Variants in CLPSL1 observed in about 807,000 individuals in gnomAD.
The protein encoded by CLPSL1 is colipase-like protein 1.
CLPSL1 carries 13 observed loss-of-function variants against 9.3 expected under a neutral mutation model. That is an observed-to-expected ratio of 1.40 (90% CI 0.91 to 2.22). The LOEUF is 2.22. Among genes scored for constraint, CLPSL1 ranks in the 30% most tolerant of loss-of-function variants. The pLI, the probability that CLPSL1 is intolerant of heterozygous loss-of-function variation, is 0.00. For missense variants in CLPSL1, 164 were observed against 146.6 expected (o/e 1.12, Z -0.61); for synonymous variants, 58 against 56.9 (o/e 1.02, Z -0.08).
downstream of CLPSL1, among the ~76,000 whole-genome samples, chr6:35,789,753 G>C (rs377630679): frequency 2.0e-5 from 3 of 152,224 alleles, no homozygotes; most frequent in Admixed American, 2.0e-4. Flanking sequence ...AATTAGCTGG[G>C]TGTGGTGGTG....
At chr6:35,792,148 G>A (rs192067357), downstream of CLPSL1, among the ~76,000 whole-genome samples, 23 of 152,232 alleles carry the variant, frequency 1.5e-4, no homozygotes, top group East Asian at 5.8e-4. Flanking sequence ...GGTGGCACAC[G>A]CCTATAGTTC....
downstream of CLPSL1, among the ~76,000 whole-genome samples, chr6:35,790,896 A>G (rs1768172519): frequency 6.6e-6 from 1 of 152,188 alleles, no homozygotes; most frequent in Non-Finnish European, 1.5e-5. Context: ...AACAACAGCA[A>G]CATAGCCGGT....
At position 35,781,032 on chromosome 6, in the gene CLPSL1, A is replaced by G; in HGVS notation, c.-79A>G. 6.3e-7 allele frequency: 1 copy of G among 1,577,650 alleles called. No individual in the cohort carries two copies. Among genetic ancestry groups the G allele is most frequent in the Middle Eastern group, 2.2e-4 (1 of 4,534 alleles). The stretch of plus-strand genomic sequence containing the variant: ...GGTGCTGGTTTTACATGGTGTTCCC[A>G]CAGCTGGGAGGACACCCACATGGTC... On this transcript the variant is annotated 5_prime_UTR_variant, in exon 1 of 3. Transcript: ENST00000373861.
At chr6:35,792,862 T>A (rs1471964585), downstream of CLPSL1, among the ~76,000 whole-genome samples, 1 of 152,268 alleles carries the variant, frequency 6.6e-6, no homozygotes, top group Non-Finnish European at 1.5e-5. Context: ...CTGAGACCCC[T>A]CCTGGGTTAA....
downstream of CLPSL1, among the ~76,000 whole-genome samples, chr6:35,792,005 G>C (rs192795562): frequency 8.8e-3 from 1,334 of 151,326 alleles, no homozygotes; most frequent in South Asian, 0.024. Context: ...AGAATTGCTT[G>C]AACCTGGGAG....
In CLPSL1 at chr6:35,787,048, C is replaced by G. The variant is rs747574745; in HGVS notation, c.150C>G (p.Cys50Trp). ...ACCAGGACTGCGAGACTGGCTGCTG[C>G]CAACGTGCTCCAGACAATTGCGAGT... ...IRNQDCETGC[C>W]QRAPDNCESH... Residue 50 changes from cysteine (C) to tryptophan (W), a missense_variant, in exon 2 of 3, where the codon TGC becomes TGG. Physicochemically the swap from Cys to Trp is radical, Grantham distance 215 (BLOSUM62 -2). Transcript: ENST00000373861. 1.2e-4 allele frequency: 187 copies of G among 1,599,894 alleles called. 1 individual carries two copies. In the East Asian group the frequency reaches 4.1e-3, roughly 35 times the overall value.
chr6:35,785,063 C>G (rs1301184480), intron 1 of CLPSL1, among the ~76,000 whole-genome samples: 1 of 152,030 alleles, frequency 6.6e-6, no homozygotes, highest in African/African-American at 2.4e-5. Context: ...TGACCACATG[C>G]GCAGTGTCCT....
At chr6:35,792,231 G>GC (rs1340503641), downstream of CLPSL1, among the ~76,000 whole-genome samples, 1 of 152,104 alleles carries the variant, frequency 6.6e-6, no homozygotes, top group Non-Finnish European at 1.5e-5. Flanking sequence ...CCATGATCAT[G>GC]CCACTGCATT....
In CLPSL1 at chr6:35,787,125, G is replaced by A; in HGVS notation, c.222+5G>A. ...GGCAGTCTGTGTCAAACGCAGGTGG[G>A]TATCGCCGCCCGGGGGGAGCCAGAG... On this transcript the variant is annotated splice_donor_5th_base_variant and intron_variant, in intron 2 of 2. Coordinates refer to ENST00000373861, the MANE Select transcript of CLPSL1 (RefSeq NM_001010886.5). 1 of 1,611,586 alleles carries A rather than the reference G, an allele frequency of 6.2e-7. No homozygotes were observed. The highest frequency in any genetic ancestry group is 8.5e-7 in the Non-Finnish European group (1 of 1,179,454).
At chr6:35,791,964 T>C (rs1431378366), downstream of CLPSL1, among the ~76,000 whole-genome samples, 1 of 151,556 alleles carries the variant, frequency 6.6e-6, no homozygotes, top group Non-Finnish European at 1.5e-5. Context: ...CATGTGCCTG[T>C]AGTCCCAGCT....
chr6:35,784,498 G>C (rs563375682), intron 1 of CLPSL1, among the ~76,000 whole-genome samples: 2 of 152,266 alleles, frequency 1.3e-5, no homozygotes, highest in African/African-American at 2.4e-5. Flanking sequence ...GGAAGGAGTC[G>C]ACTGAGATGG....
Position 35,781,096 on chromosome 6 carries a change from C to T in CLPSL1, c.-15C>T, listed in dbSNP as rs774658520. 1.2e-6 allele frequency: 2 copies of T among 1,613,274 alleles called. No homozygotes were observed. Among genetic ancestry groups the T allele is most frequent in the Non-Finnish European group, 8.5e-7 (1 of 1,179,522 alleles). ...TTTCGCTGGACCCTAGAAAAGCCACCACGACCTGTGGGCCATGATGCTACC... is the reference window on the plus strand; with the variant it reads ...TTTCGCTGGACCCTAGAAAAGCCACTACGACCTGTGGGCCATGATGCTACC... On this transcript the variant is annotated 5_prime_UTR_variant, in exon 1 of 3. Transcript: ENST00000373861.
rs373019873 is a variant in CLPSL1, at chr6:35,782,233, A to G, written c.99+1024A>G. 3.7e-3 allele frequency among the ~76,000 whole-genome samples: 565 copies of G among 152,340 alleles called. 4 individuals are homozygous for G. The highest frequency in any genetic ancestry group is 4.7e-3 in the Non-Finnish European group (317 of 68,038). ...GGTCTGGGGGCGGAAATGTGCTGGC[A>G]TATTCAAGGAATAGCAAAGAGGAGT... On this transcript the variant is annotated intron_variant, in intron 1 of 2. Transcript: ENST00000373861.
downstream of CLPSL1, among the ~76,000 whole-genome samples, chr6:35,791,419 A>C (rs2151063482): frequency 6.6e-6 from 1 of 152,074 alleles, no homozygotes; most frequent in Admixed American, 6.5e-5. Context: ...GACCAGCCTG[A>C]CCAACATGGT....
chr6:35,792,056 A>G (rs899171647), downstream of CLPSL1, among the ~76,000 whole-genome samples: 3 of 149,700 alleles, frequency 2.0e-5, no homozygotes, highest in Non-Finnish European at 4.5e-5. Context: ...ATTGCACTCC[A>G]CTCTGGGCAA....
chr6:35,786,656 T>A (rs1006046023), intron 1 of CLPSL1, among the ~76,000 whole-genome samples: 1 of 151,278 alleles, frequency 6.6e-6, no homozygotes, highest in African/African-American at 2.4e-5. Flanking sequence ...CAGGCACAGG[T>A]GAAAGGGTGA....
At chr6:35,787,631 A>T (rs1261485833) in intron 2 of CLPSL1, among the ~76,000 whole-genome samples, 2 of 152,394 alleles carry the variant, frequency 1.3e-5, no homozygotes, top group Middle Eastern at 3.4e-3. Context: ...GGACAGGCAG[A>T]TGGGTCAGTG....
intron 1 of CLPSL1, among the ~76,000 whole-genome samples, chr6:35,785,946 CAAAAAAA>C (rs35079833): frequency 1.8e-5 from 2 of 110,800 alleles, no homozygotes; most frequent in Admixed American, 2.0e-4. Flanking sequence ...GAGACTTTGT[CAAAAAAA>C]AAAAAAAAAA....
chr6:35,789,989 C>T (rs1355310298), downstream of CLPSL1, among the ~76,000 whole-genome samples: 2 of 152,250 alleles, frequency 1.3e-5, no homozygotes, highest in Non-Finnish European at 2.9e-5. Context: ...TGCAGTGGCT[C>T]CATCTCAGCT....
Sources: gnomAD v4.1 joint callset for allele counts (sites outside exome capture counted in the v4.1 genomes callset) on GRCh38, gnomAD v4.1.1 for gene constraint, MANE v1.5 for transcripts, NCBI Gene and HGNC (gene_info 2026-07-23, HGNC 2026-07-21) for gene names.